BBS4: variants seen among roughly 807,000 people sequenced by gnomAD.
BBS4 encodes Bardet-Biedl syndrome 4.
BBS4 carries 58 observed loss-of-function variants against 71.4 expected under a neutral mutation model. The ratio of observed to expected loss-of-function variants is 0.81; its 90% CI spans 0.66 to 1.01. The LOEUF is 1.01. Among genes scored for constraint, BBS4 ranks in the 50% least tolerant of loss-of-function variants. The pLI, the probability that BBS4 is intolerant of heterozygous loss-of-function variation, is 0.00. For synonymous variants in BBS4, 228 were observed against 216.8 expected (o/e 1.05, Z -0.46); for missense variants, 660 against 607.9 (o/e 1.09, Z -0.90).
At chr15:72,715,033 A>G (rs974780418) in intron 4 of BBS4, among the ~76,000 whole-genome samples, 1 of 152,210 alleles carries the variant, frequency 6.6e-6, no homozygotes, top group South Asian at 2.1e-4. Flanking sequence ...CTGATTATCT[A>G]TGTGATGGAT....
In BBS4 at chr15:72,737,139, G is replaced by C. The variant is rs555593957; in HGVS notation, c.1450+176G>C. 4.0e-5 allele frequency: 30 copies of C among 757,562 alleles called. No individual in the cohort carries two copies. The East Asian group carries it at 8.0e-4, about 20-fold the overall frequency. 46.9% of individuals were successfully genotyped at this position (757,562 alleles called of 1,614,324 possible). Reference sequence around the variant, plus strand: ...AAATTGGCACTTGTTTCCTTAAGGCGAGCTATGTAGTAGGTAACAGCTACT... The same window carrying C: ...AAATTGGCACTTGTTTCCTTAAGGCCAGCTATGTAGTAGGTAACAGCTACT... On this transcript the variant is annotated intron_variant, in intron 15 of 15. Coordinates refer to ENST00000268057, the MANE Select transcript of BBS4 (RefSeq NM_033028.5).
chr15:72,687,594 A>C (rs1282306873), intron 1 of BBS4, among the ~76,000 whole-genome samples: 8 of 110,296 alleles, frequency 7.3e-5, no homozygotes, highest in African/African-American at 2.6e-4. Context: ...ACAGAGACAG[A>C]CTCCTTCTCA....
rs1414371012 is a variant in BBS4 at position 72,737,807 on chromosome 15, A to G, written c.*220A>G. On this transcript the variant is annotated 3_prime_UTR_variant, in exon 16 of 16. Coordinates refer to ENST00000268057, the MANE Select transcript of BBS4 (RefSeq NM_033028.5). ...TGCCCCATAAGCCAGGAAAAGTGAAAAGAGAACACAGTTCCTTTAAGAACT... is the reference window on the plus strand; with the variant it reads ...TGCCCCATAAGCCAGGAAAAGTGAAGAGAGAACACAGTTCCTTTAAGAACT... 1.6e-5 allele frequency: 9 copies of G among 569,468 alleles called. No homozygotes were observed. In the East Asian group the frequency reaches 3.1e-4, roughly 20 times the overall value. 35.3% of individuals were successfully genotyped at this position (569,468 alleles called of 1,614,324 possible).
intron 1 of BBS4, among the ~76,000 whole-genome samples, chr15:72,688,784 G>A (rs142958422): frequency 5.0e-4 from 76 of 152,306 alleles, no homozygotes; most frequent in Admixed American, 4.6e-4. Context: ...AAACATGAGC[G>A]TGTAGTACTA....
chr15:72,735,049 G>A (rs762214869), intron 12 of BBS4, 64 bp from the exon 13 acceptor site: 1 of 1,247,034 alleles, frequency 8.0e-7, no homozygotes, highest in Non-Finnish European at 1.2e-6. Context: ...TTTGGGGGTA[G>A]TCTTTAATAC....
Position 72,718,620 on chromosome 15 carries a change from C to T in BBS4, c.405+1770C>T, listed in dbSNP as rs148696547. Among the ~76,000 whole-genome samples, 1,202 of 152,296 alleles carry T rather than the reference C, an allele frequency of 7.9e-3. 11 individuals are homozygous for T. Among genetic ancestry groups the T allele is most frequent in the African/African-American group, 0.028 (1,148 of 41,540 alleles). ...ATGCCATGGAGTATGTTATAGCTAACAGCCAGAGTGAAACTACAGATGAAG... is the reference window on the plus strand; with the variant it reads ...ATGCCATGGAGTATGTTATAGCTAATAGCCAGAGTGAAACTACAGATGAAG... On this transcript the variant is annotated intron_variant, in intron 6 of 15. Transcript: ENST00000268057.
At chr15:72,711,224 C>A (rs2065365252) in intron 3 of BBS4, among the ~76,000 whole-genome samples, 1 of 151,514 alleles carries the variant, frequency 6.6e-6, no homozygotes, top group African/African-American at 2.4e-5. Flanking sequence ...CTCGGCTCAC[C>A]ACAACCTCCG....
chr15:72,690,277 G>A (rs1295204096), intron 1 of BBS4, among the ~76,000 whole-genome samples: 6 of 152,260 alleles, frequency 3.9e-5, no homozygotes, highest in African/African-American at 1.4e-4. Flanking sequence ...ATGAATATTT[G>A]TTGGATGAAT....
rs1475031511 is a variant in BBS4, at chr15:72,738,454, T to C, written c.*867T>C. On this transcript the variant is annotated 3_prime_UTR_variant, in exon 16 of 16. Coordinates refer to ENST00000268057, the MANE Select transcript of BBS4 (RefSeq NM_033028.5). ...CAGGTATAAAAACAAGAGATCATAA[T>C]AAAAACCTAAAAGAACCTATGATCA... 5.5e-6 allele frequency: 2 copies of C among 364,296 alleles called. No individual in the cohort carries two copies. Among genetic ancestry groups the C allele is most frequent in the Non-Finnish European group, 1.1e-5 (2 of 188,584 alleles). The allele number at this position is 364,296 out of a possible 1,614,324, so 22.6% of individuals were successfully genotyped here. A position where few individuals can be genotyped will look rare whatever the true frequency, so the allele number is the denominator to read the frequency against.
intron 6 of BBS4, among the ~76,000 whole-genome samples, chr15:72,719,897 C>T (rs918216277): frequency 4.0e-5 from 6 of 151,768 alleles, no homozygotes; most frequent in African/African-American, 1.5e-4. Flanking sequence ...TTTACAGGCA[C>T]CCGCCACCAT....
intron 4 of BBS4, 100 bp from the exon 5 acceptor site, chr15:72,715,191 G>C: frequency 1.3e-6 from 1 of 795,676 alleles, no homozygotes; most frequent in Non-Finnish European, 2.2e-6. Flanking sequence ...TTTACTTGAT[G>C]TGGTTTCCCA....
chr15:72,729,247 GTT>G (rs141392671), intron 9 of BBS4, among the ~76,000 whole-genome samples: 1,690 of 84,764 alleles, frequency 0.02, 36 homozygotes, highest in African/African-American at 0.067. Flanking sequence ...TGGCCAGACT[GTT>G]TTTTTTTTTT....
intron 15 of BBS4, among the ~76,000 whole-genome samples, chr15:72,737,271 T>A (rs2065944533): frequency 6.6e-6 from 1 of 152,220 alleles, no homozygotes; most frequent in African/African-American, 2.4e-5. Context: ...TTATCAGAAG[T>A]TGACACGTAA....
At chr15:72,690,098 G>A (rs1245854071) in intron 1 of BBS4, among the ~76,000 whole-genome samples, 4 of 152,110 alleles carry the variant, frequency 2.6e-5, no homozygotes, top group South Asian at 2.1e-4. Context: ...GCGAGCCACT[G>A]TACCCAGCCT....
At chr15:72,731,209 G>A (rs1055522963) in intron 10 of BBS4, 96 bp from the exon 11 acceptor site, 89 of 1,478,942 alleles carry the variant, frequency 6.0e-5, no homozygotes, top group Non-Finnish European at 7.7e-5. Flanking sequence ...TCCCATCTAT[G>A]CTGATGGGCC....
intron 2 of BBS4, among the ~76,000 whole-genome samples, chr15:72,697,752 C>A (rs1212006906): frequency 6.6e-6 from 1 of 152,160 alleles, no homozygotes; most frequent in African/African-American, 2.4e-5. Context: ...ACTCTTTCCT[C>A]CTCAGCTTGA....
At chr15:72,692,578 G>A (rs1430916320) in intron 1 of BBS4, among the ~76,000 whole-genome samples, 1 of 151,384 alleles carries the variant, frequency 6.6e-6, no homozygotes, top group Non-Finnish European at 1.5e-5. Context: ...CTACCGAAGT[G>A]CTGGGATTAG....
chr15:72,731,183 G>A (rs954906889), intron 10 of BBS4, 122 bp from the exon 11 acceptor site: 1 of 1,177,146 alleles, frequency 8.5e-7, no homozygotes, highest in Non-Finnish European at 1.2e-6. Flanking sequence ...TTATGTCCCT[G>A]GAAGAAATTT....
chr15:72,723,814 A>G (rs1302267711), intron 7 of BBS4, among the ~76,000 whole-genome samples: 2 of 152,222 alleles, frequency 1.3e-5, no homozygotes, highest in African/African-American at 4.8e-5. Flanking sequence ...TCAAACAGGC[A>G]CATTTCTATT....
Sources: allele counts gnomAD v4.1 joint callset (sites outside exome capture counted in the v4.1 genomes callset), GRCh38; gene constraint gnomAD v4.1.1; transcripts MANE v1.5; gene names NCBI Gene and HGNC (gene_info 2026-07-23, HGNC 2026-07-21).